The following PPP4R3B variants were observed in gnomAD, a reference collection of about 807,000 sequenced individuals.
PPP4R3B encodes protein phosphatase 4 regulatory subunit 3B.
A neutral mutation model predicts 95.4 loss-of-function variants in PPP4R3B; 52 were observed. The ratio of observed to expected loss-of-function variants is 0.54; its 90% CI spans 0.44 to 0.69. The LOEUF (loss-of-function observed/expected upper bound fraction) is 0.69, where lower values mean the gene tolerates loss of function less well. Among genes scored for constraint, PPP4R3B ranks in the 30% least tolerant of loss-of-function variants. The probability of loss-of-function intolerance (pLI) is 0.00; values close to 1 mark genes in which losing one functional copy is unlikely to be tolerated. For synonymous variants in PPP4R3B, 407 were observed against 343.9 expected (o/e 1.18, Z -2.03); for missense variants, 1,003 against 1,005.9 (o/e 1.00, Z 0.04).
intron 13 of PPP4R3B, among the ~76,000 whole-genome samples, chr2:55,566,658 C>T (rs1462590061): frequency 6.6e-6 from 1 of 152,196 alleles, no homozygotes; most frequent in East Asian, 1.9e-4. Context: ...CAGCAAAAAT[C>T]TGACTTGTAA....
At chr2:55,616,625 T>G (rs1164080807) in intron 1 of PPP4R3B, 1 of 152,258 alleles carries the variant, frequency 6.6e-6, no homozygotes, top group African/African-American at 2.4e-5. Context: ...TGTGCTTGTG[T>G]GTCCATGTAT....
chr2:55,615,126 G>C (rs1694707807), intron 2 of PPP4R3B: 1 of 208,220 alleles, frequency 4.8e-6, no homozygotes, highest in Non-Finnish European at 9.6e-6. Flanking sequence ...TTTGAATTTT[G>C]TTCTATGTCA....
intron 4 of PPP4R3B, among the ~76,000 whole-genome samples, chr2:55,589,834 T>C (rs1201447152): frequency 6.7e-6 from 1 of 148,676 alleles, no homozygotes; most frequent in African/African-American, 2.5e-5. Flanking sequence ...GAGAATGGCG[T>C]GAACCCGGGA....
chr2:55,568,409 T>G (rs773608093), intron 12 of PPP4R3B, 46 bp from the exon 13 acceptor site: 3 of 1,457,182 alleles, frequency 2.1e-6, no homozygotes, highest in Non-Finnish European at 2.8e-6. Flanking sequence ...CTTACTAAAA[T>G]CAATTATTAT....
At chr2:55,604,522 C>CTT (rs1473017286) in intron 2 of PPP4R3B, among the ~76,000 whole-genome samples, 38 of 150,554 alleles carry the variant, frequency 2.5e-4, no homozygotes, top group African/African-American at 8.7e-4. Context: ...CTATTTTTGC[C>CTT]TTTTTTTTTT....
At chr2:55,613,501 A>C (rs2103905401) in intron 2 of PPP4R3B, among the ~76,000 whole-genome samples, 1 of 152,316 alleles carries the variant, frequency 6.6e-6, no homozygotes, top group South Asian at 2.1e-4. Flanking sequence ...GTGTATACAA[A>C]AATGCTAATT....
chr2:55,560,778 GAAAAAAAAAAA>G lies in PPP4R3B; in HGVS notation c.2261-1821_2261-1811del, dbSNP rs545517387. On this transcript the variant is annotated intron_variant, in intron 15 of 16. Transcript: ENST00000616407. The stretch of plus-strand genomic sequence containing the variant: ...GGCAACAGAGAGAGACTCCATCTCA[GAAAAAAAAAAA>G]AAAAAAAAAAAAAAAAAAAAAAGAG... 8.1e-4 allele frequency among the ~76,000 whole-genome samples: 74 copies of G among 91,416 alleles called. No homozygotes were observed. In the East Asian group the frequency reaches 0.035, roughly 44 times the overall value. 60.0% of individuals were successfully genotyped at this position (91,416 alleles called of 152,430 possible).
At chr2:55,550,474 G>T (rs1284516239) in intron 16 of PPP4R3B, among the ~76,000 whole-genome samples, 1 of 152,168 alleles carries the variant, frequency 6.6e-6, no homozygotes, top group Non-Finnish European at 1.5e-5. Flanking sequence ...TAAATGGCTG[G>T]AGATAAACAC....
At position 55,593,833 on chromosome 2, in the gene PPP4R3B, A is replaced by C. The variant is rs543453745; in HGVS notation, c.921+4583T>G. Among the ~76,000 whole-genome samples the C allele has an allele frequency of 3.3e-5, 5 of 152,330 alleles. No homozygotes were observed. In the South Asian group the frequency reaches 1.0e-3, roughly 32 times the overall value. ...ACAATTCATACCCAAAGGAAAAAAA[A>C]GCATTATATTAAAAAGACACCTGCA... On this transcript the variant is annotated intron_variant, in intron 4 of 16. Transcript: ENST00000616407.
chr2:55,595,989 T>C (rs1315506237), intron 4 of PPP4R3B, among the ~76,000 whole-genome samples: 2 of 152,234 alleles, frequency 1.3e-5, no homozygotes, highest in African/African-American at 4.8e-5. Context: ...GCATGCTTAC[T>C]ATACTGTTAG....
At chr2:55,575,644 C>A (rs895489125) in intron 11 of PPP4R3B, among the ~76,000 whole-genome samples, 2 of 151,804 alleles carry the variant, frequency 1.3e-5, no homozygotes, top group Admixed American at 1.3e-4. Context: ...CACTATGTTG[C>A]CCAGGCTGGT....
rs992758297 is a variant in PPP4R3B at position 55,570,757 on chromosome 2, T to C, written c.1766-2394A>G. ...ACATTATCTGAGAATAAAACAGAAA[T>C]AGGCCACATAAGGTATAAATGTTAA... On this transcript the variant is annotated intron_variant, in intron 12 of 16. Coordinates refer to ENST00000616407, the MANE Select transcript of PPP4R3B (RefSeq NM_001122964.3). Among the ~76,000 whole-genome samples, 35 of 152,288 alleles carry C rather than the reference T, an allele frequency of 2.3e-4. 1 individual carries two copies. Among genetic ancestry groups the C allele is most frequent in the African/African-American group, 6.5e-4 (27 of 41,560 alleles).
chr2:55,561,541 A>C (rs1386336443), intron 15 of PPP4R3B, among the ~76,000 whole-genome samples: 1 of 152,188 alleles, frequency 6.6e-6, no homozygotes. Context: ...AGCCCATGAA[A>C]GCAGCCATGG....
At chr2:55,589,969 TTATATA>T (rs908229145) in intron 4 of PPP4R3B, among the ~76,000 whole-genome samples, 1 of 143,344 alleles carries the variant, frequency 7.0e-6, no homozygotes, top group African/African-American at 2.5e-5. Context: ...ATATATATAT[TTATATA>T]TATATTTAAT....
At chr2:55,596,817 A>G (rs1267320465) in intron 4 of PPP4R3B, among the ~76,000 whole-genome samples, 1 of 152,102 alleles carries the variant, frequency 6.6e-6, no homozygotes, top group African/African-American at 2.4e-5. Flanking sequence ...ACAAAAAATT[A>G]GTCGAGTGTG....
intron 7 of PPP4R3B, among the ~76,000 whole-genome samples, chr2:55,582,763 A>C (rs570924199): frequency 1.8e-4 from 28 of 152,336 alleles, no homozygotes; most frequent in Non-Finnish European, 3.8e-4. Flanking sequence ...TTTTAAAATA[A>C]CACAAATGTT....
chr2:55,579,294 A>G (rs1314636861), intron 9 of PPP4R3B, among the ~76,000 whole-genome samples: 1 of 152,144 alleles, frequency 6.6e-6, no homozygotes, highest in African/African-American at 2.4e-5. Flanking sequence ...TAAAATATTT[A>G]TACTATTTGC....
chr2:55,567,972 C>G, intron 13 of PPP4R3B: 1 of 260,710 alleles, frequency 3.8e-6, no homozygotes, highest in Non-Finnish European at 7.1e-6. Context: ...ATATCAGTGT[C>G]AAAAGTAAAA....
At chr2:55,564,169 T>C in intron 15 of PPP4R3B, 144 bp downstream of exon 15, 2 of 595,954 alleles carry the variant, frequency 3.4e-6, no homozygotes, top group Non-Finnish European at 5.4e-6. Flanking sequence ...TTGGAAAAAG[T>C]ACATAATTTT....
Sources: allele counts gnomAD v4.1 joint callset (sites outside exome capture counted in the v4.1 genomes callset), GRCh38; gene constraint gnomAD v4.1.1; transcripts MANE v1.5; gene names NCBI Gene and HGNC (gene_info 2026-07-23, HGNC 2026-07-21).